Variants in LAT2 observed in about 807,000 individuals in gnomAD.
The protein encoded by LAT2 is linker for activation of T cells family member 2, also known as linker for activation of T-cells family member 2.
Under a neutral mutation model 43.4 loss-of-function variants are expected in LAT2, and 23 were observed. The observed-to-expected ratio is 0.53, with a 90% CI of 0.38 to 0.75. The LOEUF (loss-of-function observed/expected upper bound fraction) is 0.75. Ranked by LOEUF, LAT2 falls within the 30% of genes least tolerant of loss-of-function variation. The pLI is 0.00. For synonymous variants in LAT2, 128 were observed against 123.2 expected, an observed-to-expected ratio of 1.04 and a Z score of -0.26; for missense variants, 284 against 310.2, an observed-to-expected ratio of 0.92 and a Z score of 0.64.
At chr7:74,223,364 C>T (rs1802362087) in intron 10 of LAT2, among the ~76,000 whole-genome samples, 1 of 152,186 alleles carries the variant, frequency 6.6e-6, no homozygotes, top group African/African-American at 2.4e-5. Flanking sequence ...GTGGTGCATG[C>T]CTGTAGTTCC....
At chr7:74,216,595 C>G (rs935407002) in intron 3 of LAT2, among the ~76,000 whole-genome samples, 2 of 152,168 alleles carry the variant, frequency 1.3e-5, no homozygotes, top group African/African-American at 4.8e-5. Flanking sequence ...TGGTCACGAA[C>G]TGCTGACCTC....
chr7:74,226,846 A>T (rs1802508572), intron 13 of LAT2, among the ~76,000 whole-genome samples: 1 of 152,092 alleles, frequency 6.6e-6, no homozygotes, highest in South Asian at 2.1e-4. Context: ...CATCTGGGGG[A>T]AGGACATCCA....
intron 13 of LAT2, among the ~76,000 whole-genome samples, chr7:74,227,899 G>A (rs1348796139): frequency 1.3e-5 from 2 of 151,910 alleles, no homozygotes; most frequent in Admixed American, 1.3e-4. Context: ...GAAGAGGCCA[G>A]GCGCAGTGGC....
rs1802241713 is a variant in LAT2 at position 74,220,793 on chromosome 7, C to T, written c.332+59C>T. 2.9e-6 allele frequency: 4 copies of T among 1,403,392 alleles called. No individual in the cohort carries two copies. Among genetic ancestry groups the T allele is most frequent in the Non-Finnish European group, 1.9e-6 (2 of 1,044,962 alleles). The allele number at this position is 1,403,392 out of a possible 1,614,324, so 86.9% of individuals were successfully genotyped here. ...CCTCTCCCCCTGCCCCACCTCTCCC[C>T]CTGCCCCACCTCTCCCCCTGCCCCA... On this transcript the variant is annotated intron_variant, in intron 9 of 13. Transcript: ENST00000460943. The surrounding 1 kb of genome is among the most constrained non-coding windows in gnomAD (Gnocchi z 4.5).
In LAT2 at chr7:74,216,078, G is replaced by C. The variant is rs782308848; in HGVS notation, c.94+9G>C. 1 of 1,604,398 alleles carries C rather than the reference G, an allele frequency of 6.2e-7. No homozygotes were observed. Among genetic ancestry groups the C allele is most frequent in the South Asian group, 1.1e-5 (1 of 90,594 alleles). On this transcript the variant is annotated intron_variant, in intron 3 of 13. Coordinates refer to ENST00000460943, the MANE Select transcript of LAT2 (RefSeq NM_032464.3). ...GCGCTGCTCACGCCCAGGTAAGCGGGGGTCTCGGGGACGTGATGGGGAGAA... is the reference window on the plus strand; with the variant it reads ...GCGCTGCTCACGCCCAGGTAAGCGGCGGTCTCGGGGACGTGATGGGGAGAA...
intron 1 of LAT2, among the ~76,000 whole-genome samples, chr7:74,211,557 A>G (rs1801738103): frequency 1.3e-5 from 2 of 152,012 alleles, no homozygotes. Context: ...TCCCGGGTAC[A>G]TGCCATTCTC....
chr7:74,219,265 C>T (rs980017583), intron 4 of LAT2, among the ~76,000 whole-genome samples: 1 of 152,030 alleles, frequency 6.6e-6, no homozygotes, highest in Non-Finnish European at 1.5e-5. Flanking sequence ...TGCAAACGCT[C>T]CCTGGGACCA....
At chr7:74,214,698 TAA>T (rs1491236591) in intron 1 of LAT2, 122 bp from the exon 2 acceptor site, 1 of 80,824 alleles carries the variant, frequency 1.2e-5, no homozygotes, top group Admixed American at 1.8e-4. Context: ...ATAATATATA[TAA>T]ATATATATAA....
Position 74,220,708 on chromosome 7 carries a change from C to G in LAT2, c.306C>G (p.Ser102Arg). 1.2e-6 allele frequency: 2 copies of G among 1,607,972 alleles called. No homozygotes were observed. The highest frequency in any genetic ancestry group is 2.2e-5 in the South Asian group (2 of 90,968). The change falls in exon 9 of 14, where the codon AGC (serine) becomes AGG (arginine). Residue 102 changes from serine to arginine, a missense_variant. Physicochemically the swap from Ser to Arg is moderately radical, Grantham distance 110. Coordinates refer to ENST00000460943, the MANE Select transcript of LAT2 (RefSeq NM_032464.3). The surrounding 1 kb of genome is among the most constrained non-coding windows in gnomAD (Gnocchi z 4.5). ...AATTCTCGCCTCCTCCCGCAGGAAG[C>G]AGACACGGGTCGGAGGAAGCCTACA... is the stretch of plus-strand genomic sequence containing the variant. ...SSRYQNFSKGSRHGSEEAYID... is the reference protein window; with the variant it reads ...SSRYQNFSKGRRHGSEEAYID...
At chr7:74,214,769 ATATATAAATATATATATATATATTT>A (rs1563968731) in intron 1 of LAT2, 28 bp from the exon 2 acceptor site, 5 of 26,358 alleles carry the variant, frequency 1.9e-4, no homozygotes, top group African/African-American at 7.4e-4. Context: ...ATAAACATAT[ATATATAAATATATATATATATATTT>A]TTTTTTTTTT....
At chr7:74,211,313 G>A (rs953285918) in intron 1 of LAT2, among the ~76,000 whole-genome samples, 2 of 152,172 alleles carry the variant, frequency 1.3e-5, no homozygotes, top group Non-Finnish European at 2.9e-5. Flanking sequence ...GTCTCACTCT[G>A]TTGTCCAGGC....
At chr7:74,211,751 C>T (rs545373616) in intron 1 of LAT2, among the ~76,000 whole-genome samples, 1 of 152,212 alleles carries the variant, frequency 6.6e-6, no homozygotes, top group South Asian at 2.1e-4. Flanking sequence ...GCCACCGTGC[C>T]TGGCCTAATT....
Position 74,214,787 on chromosome 7 carries a change from A to ATT in LAT2, c.-218-34_-218-33insTT, listed in dbSNP as rs1584211751. 4 of 88,358 alleles carry ATT rather than the reference A, an allele frequency of 4.5e-5. No homozygotes were observed. In the East Asian group the frequency reaches 1.2e-3, roughly 26 times the overall value. 5.5% of individuals were successfully genotyped at this position (88,358 alleles called of 1,614,324 possible). On this transcript the variant is annotated intron_variant, in intron 1 of 13. Transcript: ENST00000460943. ...AACATATATATATAAATATATATAT[A>ATT]TATATTTTTTTTTTTTTTTGTATTT... is the stretch of plus-strand genomic sequence containing the variant.
chr7:74,224,360 C>A (rs115341036), intron 12 of LAT2, among the ~76,000 whole-genome samples, 163 bp downstream of exon 12: 1 of 152,156 alleles, frequency 6.6e-6, no homozygotes, highest in African/African-American at 2.4e-5. Flanking sequence ...CCACACAGGA[C>A]GGCCCTTGGC....
rs781806954 is a variant in LAT2 at position 74,219,009 on chromosome 7, CTTTTTTTTTTTTTTTTT to C, written c.135-713_135-697del. Among the ~76,000 whole-genome samples, 41 of 48,802 alleles carry C rather than the reference CTTTTTTTTTTTTTTTTT, an allele frequency of 8.4e-4. 1 individual carries two copies. The highest frequency in any genetic ancestry group is 2.6e-3 in the East Asian group (4 of 1,540). The allele number at this position is 48,802 out of a possible 152,430, so 32.0% of individuals were successfully genotyped here. A position where few individuals can be genotyped will look rare whatever the true frequency, so the allele number is the denominator to read the frequency against. Reference sequence around the variant, plus strand: ...CACCATGCCGGGTCTAGAGTGTGTGCTTTTTTTTTTTTTTTTTTTTTTTTTTTTTTTTTTTTTTGAGA... The same window carrying C: ...CACCATGCCGGGTCTAGAGTGTGTGCTTTTTTTTTTTTTTTTTTTTTGAGA... On this transcript the variant is annotated intron_variant, in intron 4 of 13. Transcript: ENST00000460943.
chr7:74,229,241 A>T lies in LAT2; in HGVS notation c.*316A>T, dbSNP rs1176533460. The T allele has an allele frequency of 6.6e-6, 1 of 152,348 alleles. No individual in the cohort carries two copies. The highest frequency in any genetic ancestry group is 1.5e-5 in the Non-Finnish European group (1 of 68,040). The allele number at this position is 152,348 out of a possible 1,614,324, so 9.4% of individuals were successfully genotyped here. ...TGCGCAGGATTTAGGATAAGCTGTCACCCAGTCCCCATAACAAAACCACTG... is the reference window on the plus strand; with the variant it reads ...TGCGCAGGATTTAGGATAAGCTGTCTCCCAGTCCCCATAACAAAACCACTG... On this transcript the variant is annotated 3_prime_UTR_variant, in exon 14 of 14. Transcript: ENST00000460943.
chr7:74,224,674 G>A lies in LAT2; in HGVS notation c.664G>A (p.Gly222Arg), dbSNP rs2116188098. ...GAGAGAAGCATCCCCTGGCCCGGTGGGAAGCCCAGACGAGGAGGACGGGGA... is the reference window on the plus strand; with the variant it reads ...GAGAGAAGCATCCCCTGGCCCGGTGAGAAGCCCAGACGAGGAGGACGGGGA... ...LQREASPGPV[G>R]SPDEEDGEPD... is the part of the protein sequence containing the mutation. Residue 222 changes from glycine (G) to arginine (R), a missense_variant, in exon 13 of 14, where the codon GGA becomes AGA. By Grantham distance (125) the Gly-to-Arg change is moderately radical (BLOSUM62 -2). Coordinates refer to ENST00000460943, the MANE Select transcript of LAT2 (RefSeq NM_032464.3). 1 of 1,608,360 alleles carries A rather than the reference G, an allele frequency of 6.2e-7. No individual in the cohort carries two copies. Among genetic ancestry groups the A allele is most frequent in the Non-Finnish European group, 8.5e-7 (1 of 1,177,672 alleles).
Position 74,229,700 on chromosome 7 carries a change from G to C in LAT2, c.*775G>C, listed in dbSNP as rs1802621488. On this transcript the variant is annotated 3_prime_UTR_variant, in exon 14 of 14. Transcript: ENST00000460943. ...CTCTGCTCCAGGGCTGGCCTCTGCA[G>C]AGCTGATTAAACAGTGTTGTGACTG... 1 of 152,320 alleles carries C rather than the reference G, an allele frequency of 6.6e-6. No homozygotes were observed. Among genetic ancestry groups the C allele is most frequent in the South Asian group, 2.1e-4 (1 of 4,832 alleles). The allele number at this position is 152,320 out of a possible 1,614,324, so 9.4% of individuals were successfully genotyped here.
chr7:74,224,185 A>G lies in LAT2; in HGVS notation c.616A>G (p.Arg206Gly). Residue 206 changes from arginine to glycine, a missense_variant, in exon 12 of 14, where the codon AGG (arginine) becomes GGG (glycine). By Grantham distance (125) the Arg-to-Gly change is moderately radical (BLOSUM62 -2). Coordinates refer to ENST00000460943, the MANE Select transcript of LAT2 (RefSeq NM_032464.3). ...ATCCATCCATCAGTGGCGCGAGTCC[A>G]GGAAGGTCATGGGTAGGTGGCCGGG... ...SASIHQWRES[R>G]KVMGQLQREA... is the part of the protein sequence containing the mutation. 1.2e-6 allele frequency: 2 copies of G among 1,613,658 alleles called. No homozygotes were observed. The highest frequency in any genetic ancestry group is 2.2e-5 in the East Asian group (1 of 44,878).
Sources: allele counts gnomAD v4.1 joint callset (sites outside exome capture counted in the v4.1 genomes callset), GRCh38; gene constraint gnomAD v4.1.1; non-coding constraint Gnocchi (gnomAD v3.1); transcripts MANE v1.5; gene names NCBI Gene and HGNC (gene_info 2026-07-23, HGNC 2026-07-21).